Variants in FARP1 observed in about 807,000 individuals in gnomAD.
FARP1 encodes the protein FERM, ARHGEF and pleckstrin domain-containing protein 1.
FARP1 carries 52 observed loss-of-function variants against 128.8 expected under a neutral mutation model. That is an observed-to-expected ratio of 0.40 (90% CI 0.32 to 0.51). FARP1 has a LOEUF of 0.51. FARP1 is among the 20% of genes least tolerant of loss of function. The pLI is 0.45. For synonymous variants in FARP1, 580 were observed against 551.8 expected, an observed-to-expected ratio of 1.05 and a Z score of -0.72; for missense variants, 1,333 against 1,367.9, an observed-to-expected ratio of 0.97 and a Z score of 0.40.
chr13:98,420,440 C>T (rs1891551427), intron 16 of FARP1, among the ~76,000 whole-genome samples: 1 of 152,198 alleles, frequency 6.6e-6, no homozygotes, highest in African/African-American at 2.4e-5. Context: ...CCTCAGTCTG[C>T]TGCTGAATGA....
rs553909701 is a variant in FARP1 at position 98,431,423 on chromosome 13, C to T, written c.2143+143C>T. ...CCCAGGTTTTCATCAGGGTGGGCGC[C>T]GGTTTTTATTCCTGCTCTGGTGTTT... is the stretch of plus-strand genomic sequence containing the variant. On this transcript the variant is annotated intron_variant, in intron 18 of 26. Coordinates refer to ENST00000319562, the MANE Select transcript of FARP1 (RefSeq NM_005766.4). 131 of 561,544 alleles carry T rather than the reference C, an allele frequency of 2.3e-4. No homozygotes were observed. The African/African-American group carries it at 2.4e-3, about 10-fold the overall frequency. The allele number at this position is 561,544 out of a possible 1,614,324, so 34.8% of individuals were successfully genotyped here.
intron 1 of FARP1, among the ~76,000 whole-genome samples, chr13:98,166,990 G>A: frequency 6.6e-6 from 1 of 152,158 alleles, no homozygotes; most frequent in East Asian, 1.9e-4. Flanking sequence ...GCCTCCCAAA[G>A]TTCTGGGATT....
Position 98,438,720 on chromosome 13 carries a change from T to G in FARP1, c.2275-84T>G. On this transcript the variant is annotated intron_variant, in intron 19 of 26. Coordinates refer to ENST00000319562, the MANE Select transcript of FARP1 (RefSeq NM_005766.4). Reference sequence around the variant, plus strand: ...CAGTCAGCCCTCAGGGGCTACAAATTTAGCCCTCGGGGTCTGCACACTGGC... The same window carrying G: ...CAGTCAGCCCTCAGGGGCTACAAATGTAGCCCTCGGGGTCTGCACACTGGC... 2.2e-5 allele frequency: 24 copies of G among 1,094,002 alleles called. No individual in the cohort carries two copies. The South Asian group carries it at 3.1e-4, about 14-fold the overall frequency. 67.8% of individuals were successfully genotyped at this position (1,094,002 alleles called of 1,614,324 possible). A position where few individuals can be genotyped will look rare whatever the true frequency, so the allele number is the denominator to read the frequency against.
intron 1 of FARP1, among the ~76,000 whole-genome samples, chr13:98,198,765 G>T (rs1185971666): frequency 6.6e-6 from 1 of 150,914 alleles, no homozygotes; most frequent in Non-Finnish European, 1.5e-5. Flanking sequence ...GTAATCCCAG[G>T]TACTAAGGAG....
intron 1 of FARP1, among the ~76,000 whole-genome samples, chr13:98,149,302 C>T (rs1299911736): frequency 1.3e-5 from 2 of 152,132 alleles, no homozygotes; most frequent in Non-Finnish European, 2.9e-5. Flanking sequence ...AGTTTATTTT[C>T]TGTTGCTCAG....
intron 2 of FARP1, among the ~76,000 whole-genome samples, chr13:98,277,344 T>A (rs1043416262): frequency 4.6e-5 from 7 of 152,100 alleles, no homozygotes; most frequent in Non-Finnish European, 8.8e-5. Context: ...TATTTATATA[T>A]TTTCTGTAGA....
At chr13:98,297,083 T>C (rs924825162) in intron 2 of FARP1, among the ~76,000 whole-genome samples, 3 of 152,258 alleles carry the variant, frequency 2.0e-5, no homozygotes, top group Admixed American at 2.0e-4. Flanking sequence ...CAAGTGAGAA[T>C]ATGGGGCATA....
chr13:98,448,224 C>G lies in FARP1; in HGVS notation c.3057-12C>G. The G allele has an allele frequency of 1.2e-6, 2 of 1,611,676 alleles. No homozygotes were observed. The highest frequency in any genetic ancestry group is 1.7e-6 in the Non-Finnish European group (2 of 1,177,870). On this transcript the variant is annotated splice_polypyrimidine_tract_variant and intron_variant, in intron 26 of 26. Transcript: ENST00000319562. ...AACAAAAGGTTGACTAACTGGCGTT[C>G]CCGTGTTGCAGGTGGATGGAAGTGA...
intron 13 of FARP1, chr13:98,397,899 T>TG (rs1566291013): frequency 1.5e-3 from 42 of 28,662 alleles, no homozygotes; most frequent in South Asian, 5.5e-3. Flanking sequence ...CTTTTTTTTT[T>TG]GAAAAAAAAA....
chr13:98,205,461 C>T (rs894856026), intron 1 of FARP1, among the ~76,000 whole-genome samples: 3 of 151,164 alleles, frequency 2.0e-5, no homozygotes, highest in African/African-American at 4.9e-5. Flanking sequence ...GGCGTGATCT[C>T]GGCTCACTGC....
In FARP1 at chr13:98,431,297, T is replaced by C; in HGVS notation, c.2143+17T>C. ...ACTGCCGAGGTGAGTGCTGGGAGCC[T>C]GCGCCACCTGGTGCCCATGCCACAG... On this transcript the variant is annotated intron_variant, in intron 18 of 26. Transcript: ENST00000319562. 6.5e-7 allele frequency: 1 copy of C among 1,538,414 alleles called. No individual in the cohort carries two copies. Among genetic ancestry groups the C allele is most frequent in the Non-Finnish European group, 8.8e-7 (1 of 1,131,242 alleles).
intron 1 of FARP1, among the ~76,000 whole-genome samples, chr13:98,172,408 T>C (rs1877717049): frequency 1.3e-5 from 2 of 151,924 alleles, no homozygotes; most frequent in South Asian, 4.2e-4. Flanking sequence ...AGGTTTCTGG[T>C]CTCCTTGACC....
In FARP1 at chr13:98,176,816, G is replaced by C; in HGVS notation, c.-24+33324G>C. On this transcript the variant is annotated intron_variant, in intron 1 of 26. Coordinates refer to ENST00000319562, the MANE Select transcript of FARP1 (RefSeq NM_005766.4). This position sits in a 1 kb window ranked among gnomAD's most constrained non-coding sequence, Gnocchi z 6.2. ...CCCCGGTAGATGTGGTCGTGCTCCC[G>C]ACCCCGCAGTGCCTCCTGGACCCGC... 6.2e-7 allele frequency: 1 copy of C among 1,613,082 alleles called. No individual in the cohort carries two copies. The highest frequency in any genetic ancestry group is 8.5e-7 in the Non-Finnish European group (1 of 1,179,986).
chr13:98,377,335 C>A (rs1288885500), intron 5 of FARP1, among the ~76,000 whole-genome samples: 4 of 133,884 alleles, frequency 3.0e-5, no homozygotes, highest in Admixed American at 7.6e-5. Flanking sequence ...TGAATTTTTA[C>A]AAATCTTGTA....
rs775339891 is a variant in FARP1 at position 98,393,704 on chromosome 13, G to A, written c.1150G>A (p.Glu384Lys). ...LASQPTELNS[E>K]VLEQSQQSTS... Reference sequence around the variant, plus strand: ...TTCACAGCCTACAGAACTGAATTCGGAAGTGCTGGAGCAGGTCAGTGATGG... The same window carrying A: ...TTCACAGCCTACAGAACTGAATTCGAAAGTGCTGGAGCAGGTCAGTGATGG... The change falls in exon 12 of 27, where the codon GAA (glutamate) becomes AAA (lysine). Residue 384 changes from glutamate to lysine, a missense_variant. By Grantham distance (56) the Glu-to-Lys change is moderately conservative. Coordinates refer to ENST00000319562, the MANE Select transcript of FARP1 (RefSeq NM_005766.4). 2.9e-5 allele frequency: 46 copies of A among 1,613,632 alleles called. 1 individual carries two copies. Among genetic ancestry groups the A allele is most frequent in the South Asian group, 1.8e-4 (16 of 91,024 alleles).
chr13:98,279,919 ACGTT>A (rs1050801577), intron 2 of FARP1, among the ~76,000 whole-genome samples: 2 of 151,962 alleles, frequency 1.3e-5, no homozygotes, highest in Non-Finnish European at 2.9e-5. Context: ...GGTCTCCCCC[ACGTT>A]CTCCGCTGTC....
intron 2 of FARP1, among the ~76,000 whole-genome samples, chr13:98,221,608 T>C (rs936528516): frequency 1.1e-4 from 17 of 152,230 alleles, no homozygotes; most frequent in African/African-American, 4.1e-4. Flanking sequence ...TTTAATCAAC[T>C]TGAAAATTGA....
At chr13:98,299,284 G>A (rs1885826368) in intron 2 of FARP1, among the ~76,000 whole-genome samples, 1 of 152,060 alleles carries the variant, frequency 6.6e-6, no homozygotes, top group Non-Finnish European at 1.5e-5. Context: ...ACCTTTGCTA[G>A]AAACAACCTT....
chr13:98,309,475 C>T (rs535134965), intron 2 of FARP1, among the ~76,000 whole-genome samples: 1 of 152,040 alleles, frequency 6.6e-6, no homozygotes, highest in Non-Finnish European at 1.5e-5. Flanking sequence ...GGCCAAGAGG[C>T]CTTTTTTTAA....
Sources: allele counts gnomAD v4.1 joint callset (sites outside exome capture counted in the v4.1 genomes callset), GRCh38; gene constraint gnomAD v4.1.1; non-coding constraint Gnocchi (gnomAD v3.1); transcripts MANE v1.5; gene names NCBI Gene and HGNC (gene_info 2026-07-23, HGNC 2026-07-21).